Variants in SORBS2 observed in about 807,000 individuals in gnomAD.
The protein encoded by SORBS2 is sorbin and SH3 domain containing 2.
A neutral mutation model predicts 97.7 loss-of-function variants in SORBS2; 46 were observed. That is an observed-to-expected ratio of 0.47 (90% confidence interval 0.37 to 0.60). The LOEUF is 0.60. Among genes scored for constraint, SORBS2 ranks in the 20% least tolerant of loss-of-function variants. The pLI is 0.00. For missense variants in SORBS2, 1,316 were observed against 1,282.3 expected (o/e 1.03, Z -0.40); for synonymous variants, 476 against 473.4 (o/e 1.01, Z -0.07).
Position 185,792,873 on chromosome 4 carries a change from C to T in SORBS2, c.-337-17507G>A, listed in dbSNP as rs368568000. The stretch of plus-strand genomic sequence containing the variant: ...GACAGTGCAGGGTTTGGAATGTGGC[C>T]GACTCAAGCTGGAATCCCACTTTCC... On this transcript the variant is annotated intron_variant, in intron 1 of 20. Transcript: ENST00000284776. 7.2e-5 allele frequency among the ~76,000 whole-genome samples: 11 copies of T among 152,142 alleles called. 1 individual carries two copies. In the South Asian group the frequency reaches 8.3e-4, roughly 11 times the overall value.
intron 1 of SORBS2, among the ~76,000 whole-genome samples, chr4:185,944,990 G>A (rs1300673068): frequency 2.0e-5 from 3 of 152,162 alleles, no homozygotes; most frequent in Admixed American, 2.0e-4. Context: ...GCCTTTAAAG[G>A]GTGCTCCAAA....
rs77671515 is a variant in SORBS2 at position 185,850,671 on chromosome 4, T to C, written c.-337-75305A>G. ...TATGTTTTACAAGACTCTAGTTCTA[T>C]TGAGTCGGGTTGAAATATGCTTAAG... On this transcript the variant is annotated intron_variant, in intron 1 of 20. Transcript: ENST00000284776. 2.9e-3 allele frequency among the ~76,000 whole-genome samples: 447 copies of C among 152,330 alleles called. 1 individual carries two copies. The highest frequency in any genetic ancestry group is 5.8e-3 in the South Asian group (28 of 4,826).
chr4:185,907,729 T>A (rs116001898), intron 1 of SORBS2, among the ~76,000 whole-genome samples: 1,737 of 152,308 alleles, frequency 0.011, 12 homozygotes, highest in Non-Finnish European at 0.019. Flanking sequence ...TACGGAACTC[T>A]TAGCTAAGCA....
At chr4:185,690,478 G>T in intron 2 of SORBS2, 84 bp downstream of exon 4, 1 of 744,172 alleles carries the variant, frequency 1.3e-6, no homozygotes, top group Non-Finnish European at 2.2e-6. Flanking sequence ...TTTAGGATCA[G>T]AAGAGTGCTA....
intron 1 of SORBS2, among the ~76,000 whole-genome samples, chr4:185,864,639 G>T (rs1424066395): frequency 6.6e-6 from 1 of 152,132 alleles, no homozygotes; most frequent in Admixed American, 6.5e-5. Context: ...GGCCGGGTGC[G>T]GTGGCTCACG....
At chr4:185,698,259 T>A (rs995466938) in intron 2 of SORBS2, among the ~76,000 whole-genome samples, 5 of 152,168 alleles carry the variant, frequency 3.3e-5, no homozygotes, top group African/African-American at 1.2e-4. Context: ...GAGGGTCACT[T>A]GAGGTCAGGA....
intron 2 of SORBS2, among the ~76,000 whole-genome samples, chr4:185,743,330 C>T (rs1187576420): frequency 6.6e-6 from 1 of 152,128 alleles, no homozygotes; most frequent in African/African-American, 2.4e-5. Context: ...CTCTGGCATA[C>T]CCGCTTGATT....
chr4:185,913,264 A>G (rs1260466527), intron 1 of SORBS2, among the ~76,000 whole-genome samples: 1 of 152,208 alleles, frequency 6.6e-6, no homozygotes, highest in East Asian at 1.9e-4. Flanking sequence ...TGATTAGCCT[A>G]TCTTTTTATG....
chr4:185,741,899 G>A (rs939130351), intron 2 of SORBS2, among the ~76,000 whole-genome samples: 2 of 152,128 alleles, frequency 1.3e-5, no homozygotes, highest in Admixed American at 1.3e-4. Flanking sequence ...CGCCCCACGG[G>A]TCCTTCACTC....
At chr4:185,838,540 T>A (rs1291801848) in intron 1 of SORBS2, among the ~76,000 whole-genome samples, 1 of 152,188 alleles carries the variant, frequency 6.6e-6, no homozygotes, top group Non-Finnish European at 1.5e-5. Context: ...CGAGATGCAG[T>A]AGTTCCATTA....
chr4:185,637,657 A>G (rs771188567), intron 4 of SORBS2, among the ~76,000 whole-genome samples: 2 of 152,132 alleles, frequency 1.3e-5, no homozygotes, highest in Non-Finnish European at 2.9e-5. Context: ...CGAGGAGATA[A>G]TGAAGACAGA....
chr4:185,782,728 T>G (rs1023216541), intron 1 of SORBS2, among the ~76,000 whole-genome samples: 1 of 152,162 alleles, frequency 6.6e-6, no homozygotes, highest in South Asian at 2.1e-4. Flanking sequence ...AGACTGGAGA[T>G]TTGCAATCTT....
intron 2 of SORBS2, among the ~76,000 whole-genome samples, chr4:185,721,772 C>T (rs932791679): frequency 4.0e-4 from 61 of 152,308 alleles, no homozygotes; most frequent in African/African-American, 8.9e-4. Context: ...TCTTAGAAGA[C>T]GAAATCAATC....
chr4:185,804,270 G>A (rs1003482058), intron 1 of SORBS2, among the ~76,000 whole-genome samples: 13 of 152,210 alleles, frequency 8.5e-5, no homozygotes, highest in Non-Finnish European at 1.9e-4. Flanking sequence ...TTCCTTGGGT[G>A]TGAATTTTAT....
At chr4:185,801,359 G>A (rs1440650776) in intron 1 of SORBS2, among the ~76,000 whole-genome samples, 1 of 152,184 alleles carries the variant, frequency 6.6e-6, no homozygotes, top group Admixed American at 6.5e-5. Context: ...TAGATCATAT[G>A]GTAGTTCTGG....
intron 1 of SORBS2, among the ~76,000 whole-genome samples, chr4:185,928,702 C>T (rs888575341): frequency 7.2e-5 from 11 of 152,134 alleles, no homozygotes; most frequent in Non-Finnish European, 1.2e-4. Flanking sequence ...CCTGCCACCA[C>T]GCCTGGCTAA....
intron 2 of SORBS2, among the ~76,000 whole-genome samples, chr4:185,709,206 G>A (rs540795503): frequency 1.1e-4 from 16 of 151,988 alleles, no homozygotes; most frequent in Middle Eastern, 3.5e-3. Flanking sequence ...TTTTAGTAGA[G>A]ATGGGGTTTT....
intron 1 of SORBS2, among the ~76,000 whole-genome samples, chr4:185,896,080 G>A (rs1467518291): frequency 1.3e-5 from 2 of 152,064 alleles, no homozygotes; most frequent in African/African-American, 4.8e-5. Flanking sequence ...AAAAAGCTCC[G>A]GATTAGGCCA....
At chr4:185,797,127 G>A (rs541666135) in intron 1 of SORBS2, among the ~76,000 whole-genome samples, 24 of 152,304 alleles carry the variant, frequency 1.6e-4, no homozygotes, top group African/African-American at 5.3e-4. Context: ...CATCCCATGC[G>A]CCTCTAGCAA....
Sources: allele counts gnomAD v4.1 joint callset (sites outside exome capture counted in the v4.1 genomes callset), GRCh38; gene constraint gnomAD v4.1.1; transcripts MANE v1.5; gene names NCBI Gene and HGNC (gene_info 2026-07-23, HGNC 2026-07-21).